HBS1L: variants seen among roughly 807,000 people sequenced by gnomAD.
HBS1L encodes the protein HBS1 like translational GTPase, also known as HBS1-like protein.
Under a neutral mutation model 88.9 loss-of-function variants are expected in HBS1L, and 55 were observed. The ratio of observed to expected loss-of-function variants is 0.62; its 90% CI spans 0.50 to 0.77. The LOEUF (loss-of-function observed/expected upper bound fraction) is 0.77. HBS1L is among the 30% of genes least tolerant of loss of function. The pLI, the probability that HBS1L is intolerant of heterozygous loss-of-function variation, is 0.00. For missense variants in HBS1L, 741 were observed against 829.3 expected, an observed-to-expected ratio of 0.89 and a Z score of 1.31; for synonymous variants, 267 against 288.5, an observed-to-expected ratio of 0.93 and a Z score of 0.76.
chr6:135,053,631 C>G (rs1325120681), intron 1 of HBS1L, among the ~76,000 whole-genome samples: 2 of 152,178 alleles, frequency 1.3e-5, no homozygotes, highest in Non-Finnish European at 2.9e-5. Flanking sequence ...AAATGGAGAA[C>G]AGGGTGTTAG....
intron 7 of HBS1L, among the ~76,000 whole-genome samples, chr6:134,995,069 T>C (rs1408450968): frequency 6.9e-6 from 1 of 145,348 alleles, no homozygotes; most frequent in African/African-American, 2.5e-5. Context: ...TGACGCTTAA[T>C]TCTCTTTAAT....
Position 135,054,683 on chromosome 6 carries a change from C to T in HBS1L, c.9G>A (p.Arg3=). The change falls in exon 1 of 18, where the codon CGG becomes CGA. Residue 3 remains arginine (R), a synonymous_variant. Coordinates refer to ENST00000367837, the MANE Select transcript of HBS1L (RefSeq NM_006620.4). MA[R]HRNVRGYNYD... is the part of the protein sequence containing the mutation. ...AGTTATAGCCTCGAACATTCCGATG[C>T]CGGGCCATGACGGCGGAGAGGGCGT... The T allele has an allele frequency of 1.2e-6, 2 of 1,614,246 alleles. No individual in the cohort carries two copies. The highest frequency in any genetic ancestry group is 1.7e-6 in the Non-Finnish European group (2 of 1,180,034).
chr6:134,966,131 A>G (rs956495933), intron 17 of HBS1L, among the ~76,000 whole-genome samples, 198 bp downstream of exon 17: 1 of 152,096 alleles, frequency 6.6e-6, no homozygotes, highest in African/African-American at 2.4e-5. Context: ...AAGGCATAAA[A>G]TCTCACTGAA....
At chr6:135,036,377 T>C (rs1264784340) in intron 4 of HBS1L, 13 of 1,285,668 alleles carry the variant, frequency 1.0e-5, no homozygotes, top group Non-Finnish European at 1.3e-5. Context: ...AAGCCAGTTA[T>C]CACTGAAAGA....
At chr6:135,003,860 G>A (rs535838261) in intron 4 of HBS1L, among the ~76,000 whole-genome samples, 7 of 152,130 alleles carry the variant, frequency 4.6e-5, no homozygotes, top group South Asian at 2.1e-4. Context: ...GTGAGACTCC[G>A]TCTCCAAAAA....
At chr6:135,035,320 T>C (rs569657104) in intron 4 of HBS1L, among the ~76,000 whole-genome samples, 4 of 150,660 alleles carry the variant, frequency 2.7e-5, no homozygotes, top group Non-Finnish European at 5.9e-5. Context: ...CGTGGTGACA[T>C]GCACCTGTAG....
At chr6:135,016,056 T>C (rs983874428) in intron 4 of HBS1L, among the ~76,000 whole-genome samples, 4 of 151,894 alleles carry the variant, frequency 2.6e-5, no homozygotes, top group Admixed American at 2.6e-4. Context: ...CCGGCTAATT[T>C]TTGTATTTTA....
intron 4 of HBS1L, chr6:135,037,537 T>TG: frequency 6.4e-7 from 1 of 1,550,868 alleles, no homozygotes; most frequent in Non-Finnish European, 8.7e-7. Flanking sequence ...GTTTTGAAAA[T>TG]CAGACAGTGA....
chr6:135,051,928 A>G (rs1313360657), intron 1 of HBS1L, among the ~76,000 whole-genome samples: 1 of 152,240 alleles, frequency 6.6e-6, no homozygotes, highest in Admixed American at 6.5e-5. Flanking sequence ...AGGAATACAC[A>G]CAAGATAATG....
At chr6:134,987,909 C>A in intron 8 of HBS1L, 118 bp from the exon 9 acceptor site, 1 of 778,292 alleles carries the variant, frequency 1.3e-6, no homozygotes, top group Non-Finnish European at 1.8e-6. Context: ...ACTACCCCCA[C>A]CAAAGCAAAT....
At chr6:134,966,745 C>T (rs993373512) in intron 16 of HBS1L, among the ~76,000 whole-genome samples, 1 of 151,514 alleles carries the variant, frequency 6.6e-6, no homozygotes, top group East Asian at 1.9e-4. Flanking sequence ...ACCACTATAG[C>T]CTAAAATGCT....
intron 4 of HBS1L, among the ~76,000 whole-genome samples, chr6:135,013,569 T>C (rs1435835907): frequency 2.0e-5 from 3 of 152,168 alleles, no homozygotes; most frequent in Non-Finnish European, 1.5e-5. Context: ...TATCATACTT[T>C]TAAAACTTAC....
rs186635503 is a variant in HBS1L, at chr6:135,003,911, T to C, written c.431-1069A>G. ...ATAAAAATAATTAAAAATGGAGGGA[T>C]GGAGGAGAATAAATTATGAGCTAGA... On this transcript the variant is annotated intron_variant, in intron 4 of 17. Coordinates refer to ENST00000367837, the MANE Select transcript of HBS1L (RefSeq NM_006620.4). Among the ~76,000 whole-genome samples, 574 of 152,130 alleles carry C rather than the reference T, an allele frequency of 3.8e-3. 3 individuals are homozygous for C. Among genetic ancestry groups the C allele is most frequent in the African/African-American group, 0.012 (513 of 41,524 alleles).
At chr6:134,973,472 G>A (rs1774551566) in intron 15 of HBS1L, among the ~76,000 whole-genome samples, 1 of 152,168 alleles carries the variant, frequency 6.6e-6, no homozygotes, top group Non-Finnish European at 1.5e-5. Flanking sequence ...ACTGTGTCAT[G>A]GGTACAGATT....
intron 15 of HBS1L, among the ~76,000 whole-genome samples, chr6:134,977,770 T>C (rs183848570): frequency 5.9e-5 from 9 of 152,098 alleles, no homozygotes; most frequent in African/African-American, 1.9e-4. Context: ...CTGAGAAACA[T>C]TTATTGTCAT....
At chr6:134,997,292 T>C in intron 6 of HBS1L, 105 bp downstream of exon 6, 2 of 1,355,676 alleles carry the variant, frequency 1.5e-6, no homozygotes, top group Non-Finnish European at 2.1e-6. Flanking sequence ...CCTTGCTCTC[T>C]GTCCATTCCA....
rs183779449 is a variant in HBS1L at position 134,968,459 on chromosome 6, A to G, written c.1898+779T>C. On this transcript the variant is annotated intron_variant, in intron 16 of 17. Transcript: ENST00000367837. Reference sequence around the variant, plus strand: ...AGACGGGGTTTCGCCATGTTGGCCAAGCTGGTCTCAAACTCCAGACCTCAG... The same window carrying G: ...AGACGGGGTTTCGCCATGTTGGCCAGGCTGGTCTCAAACTCCAGACCTCAG... Among the ~76,000 whole-genome samples the G allele has an allele frequency of 1.1e-4, 16 of 152,066 alleles. No homozygotes were observed. In the East Asian group the frequency reaches 2.7e-3, roughly 26 times the overall value.
intron 1 of HBS1L, among the ~76,000 whole-genome samples, chr6:135,051,385 C>G (rs1052301494): frequency 3.3e-5 from 5 of 152,156 alleles, no homozygotes; most frequent in African/African-American, 1.2e-4. Context: ...AGTAGTATTT[C>G]TTTATGGAGA....
At chr6:134,985,200 T>C (rs1046039471) in intron 12 of HBS1L, 141 bp downstream of exon 12, 11 of 493,454 alleles carry the variant, frequency 2.2e-5, no homozygotes, top group African/African-American at 5.9e-5. Context: ...TTAAGATTAA[T>C]CTGACAGTGA....
Sources: allele counts gnomAD v4.1 joint callset (sites outside exome capture counted in the v4.1 genomes callset), GRCh38; gene constraint gnomAD v4.1.1; transcripts MANE v1.5; gene names NCBI Gene and HGNC (gene_info 2026-07-23, HGNC 2026-07-21).